KCNH8: variants seen among roughly 807,000 people sequenced by gnomAD.
The protein encoded by KCNH8 is potassium voltage-gated channel subfamily H member 8.
A neutral mutation model predicts 103.6 loss-of-function variants in KCNH8; 70 were observed. The observed-to-expected ratio is 0.68, with a 90% CI of 0.56 to 0.82. The LOEUF (loss-of-function observed/expected upper bound fraction) is 0.82, where lower values mean the gene tolerates loss of function less well. Ranked by LOEUF, KCNH8 falls within the 40% of genes least tolerant of loss-of-function variation. The pLI is 0.00. For missense variants in KCNH8, 1,217 were observed against 1,329.9 expected (o/e 0.92, Z 1.32); for synonymous variants, 498 against 489.4 (o/e 1.02, Z -0.23).
rs11719862 is a variant in KCNH8 at position 19,338,979 on chromosome 3, G to A, written c.443-3608G>A. On this transcript the variant is annotated intron_variant, in intron 3 of 15. Transcript: ENST00000328405. ...ACATACACAGACACCCATATGTTAT[G>A]TATATATGTACGTACTGATGTGTTT... Among the ~76,000 whole-genome samples, 1,426 of 152,124 alleles carry A rather than the reference G, an allele frequency of 9.4e-3. 5 individuals carry two copies. Among genetic ancestry groups the A allele is most frequent in the Non-Finnish European group, 0.014 (976 of 67,964 alleles).
intron 15 of KCNH8, among the ~76,000 whole-genome samples, chr3:19,521,710 A>G (rs1382447725): frequency 6.6e-6 from 1 of 151,988 alleles, no homozygotes; most frequent in East Asian, 1.9e-4. Context: ...AGAATAGAAA[A>G]CAAAATGGCA....
At chr3:19,149,161 A>G (rs2063104211) in intron 1 of KCNH8, among the ~76,000 whole-genome samples, 1 of 152,088 alleles carries the variant, frequency 6.6e-6, no homozygotes, top group Non-Finnish European at 1.5e-5. Flanking sequence ...CTAGAGTTTC[A>G]AGGCTCCCTA....
chr3:19,460,794 G>A (rs767124263), intron 11 of KCNH8, among the ~76,000 whole-genome samples: 8 of 152,112 alleles, frequency 5.3e-5, no homozygotes, highest in Non-Finnish European at 7.4e-5. Context: ...TGAATCATGG[G>A]GGCAGTTTCG....
At chr3:19,459,682 T>A (rs76440902) in intron 11 of KCNH8, among the ~76,000 whole-genome samples, 1 of 152,068 alleles carries the variant, frequency 6.6e-6, no homozygotes. Context: ...TCCAGACCAA[T>A]GTCATGGAGC....
chr3:19,224,857 A>G (rs1482492772), intron 1 of KCNH8, among the ~76,000 whole-genome samples: 1 of 152,210 alleles, frequency 6.6e-6, no homozygotes, highest in African/African-American at 2.4e-5. Flanking sequence ...GACACCTTGC[A>G]TAAAACCCAG....
At chr3:19,291,298 T>C (rs1384066105) in intron 3 of KCNH8, among the ~76,000 whole-genome samples, 8 of 152,192 alleles carry the variant, frequency 5.3e-5, no homozygotes, top group Admixed American at 5.2e-4. Flanking sequence ...TTTGAATGTG[T>C]TTGCTCTTGC....
At chr3:19,220,574 G>A (rs916219814) in intron 1 of KCNH8, among the ~76,000 whole-genome samples, 1 of 149,528 alleles carries the variant, frequency 6.7e-6, no homozygotes, top group African/African-American at 2.6e-5. Context: ...ACACAGATGT[G>A]GGAAACATGA....
chr3:19,284,508 G>GGTGTGTGTGT (rs66509260), intron 3 of KCNH8, among the ~76,000 whole-genome samples: 36 of 136,622 alleles, frequency 2.6e-4, no homozygotes, highest in Non-Finnish European at 4.4e-4. Flanking sequence ...TGGATCTGCT[G>GGTGTGTGTGT]GTGTGTGTGT....
chr3:19,505,328 G>A (rs1006459179), intron 11 of KCNH8, among the ~76,000 whole-genome samples: 1 of 152,030 alleles, frequency 6.6e-6, no homozygotes, highest in African/African-American at 2.4e-5. Flanking sequence ...GGAGGAGGGA[G>A]AGGATCAGAA....
In KCNH8 at chr3:19,176,512, T is replaced by G. The variant is rs191763948; in HGVS notation, c.76+27717T>G. ...TAATTTTAATATGGAAGACACATTC[T>G]TTTTTCCTAAGATTCTTTTAAGACT... On this transcript the variant is annotated intron_variant, in intron 1 of 15. Transcript: ENST00000328405. Among the ~76,000 whole-genome samples, 14 of 152,260 alleles carry G rather than the reference T, an allele frequency of 9.2e-5. No homozygotes were observed. The East Asian group carries it at 2.5e-3, about 27-fold the overall frequency.
chr3:19,356,671 A>C (rs1479001770), intron 5 of KCNH8, among the ~76,000 whole-genome samples: 1 of 152,062 alleles, frequency 6.6e-6, no homozygotes, highest in Non-Finnish European at 1.5e-5. Flanking sequence ...AATCGAATCC[A>C]ATCTTTCTTA....
chr3:19,192,780 AGTTGGCTTGGATTT>A (rs144188180), intron 1 of KCNH8, among the ~76,000 whole-genome samples: 7,092 of 151,462 alleles, frequency 0.047, 593 homozygotes, highest in African/African-American at 0.16. Context: ...CTTCCTATGG[AGTTGGCTTGGATTT>A]GTGATTAAAT....
At chr3:19,387,469 G>A (rs905815399) in intron 5 of KCNH8, among the ~76,000 whole-genome samples, 1 of 152,116 alleles carries the variant, frequency 6.6e-6, no homozygotes, top group African/African-American at 2.4e-5. Flanking sequence ...CTGAGAGGAT[G>A]GCATGGGAAA....
chr3:19,429,968 A>C (rs1041094498), intron 7 of KCNH8, among the ~76,000 whole-genome samples: 1 of 152,208 alleles, frequency 6.6e-6, no homozygotes, highest in African/African-American at 2.4e-5. Context: ...TCTGTCATTA[A>C]TGGACATTTA....
chr3:19,485,915 A>G (rs2068197147), intron 11 of KCNH8, among the ~76,000 whole-genome samples: 1 of 152,124 alleles, frequency 6.6e-6, no homozygotes, highest in Non-Finnish European at 1.5e-5. Flanking sequence ...TTTTTCTTGT[A>G]TAATGCTCCA....
intron 1 of KCNH8, among the ~76,000 whole-genome samples, chr3:19,224,641 AATG>A (rs1049159341): frequency 6.6e-6 from 1 of 151,760 alleles, no homozygotes; most frequent in Non-Finnish European, 1.5e-5. Context: ...CCTGGGCTCA[AATG>A]ATCTTCCCAC....
chr3:19,443,910 G>T (rs1374364943), intron 8 of KCNH8, among the ~76,000 whole-genome samples: 1 of 152,050 alleles, frequency 6.6e-6, no homozygotes, highest in Non-Finnish European at 1.5e-5. Flanking sequence ...GTACAATGGT[G>T]ATGGTTGCTA....
At chr3:19,338,816 T>G (rs2065619629) in intron 3 of KCNH8, among the ~76,000 whole-genome samples, 1 of 152,140 alleles carries the variant, frequency 6.6e-6, no homozygotes, top group Non-Finnish European at 1.5e-5. Context: ...ATATTTCTGT[T>G]AATAGGAAGA....
intron 1 of KCNH8, among the ~76,000 whole-genome samples, chr3:19,231,555 T>C (rs2063994981): frequency 6.6e-6 from 1 of 152,174 alleles, no homozygotes; most frequent in Non-Finnish European, 1.5e-5. Context: ...GATGGCATCT[T>C]TTTTCCAAAA....
Sources: allele counts gnomAD v4.1 joint callset (sites outside exome capture counted in the v4.1 genomes callset), GRCh38; gene constraint gnomAD v4.1.1; transcripts MANE v1.5; gene names NCBI Gene and HGNC (gene_info 2026-07-23, HGNC 2026-07-21).